Variants in AAK1 observed in about 807,000 individuals in gnomAD.
AAK1 encodes the protein AP2-associated protein kinase 1.
Under a neutral mutation model 116.0 loss-of-function variants are expected in AAK1, and 37 were observed. The observed-to-expected ratio is 0.32, with a 90% CI of 0.25 to 0.42. The LOEUF (loss-of-function observed/expected upper bound fraction) is 0.42. AAK1 is among the 10% of genes least tolerant of loss of function. The pLI, the probability that AAK1 is intolerant of heterozygous loss-of-function variation, is 1.00. For missense variants in AAK1, 919 were observed against 1,170.6 expected (o/e 0.79, Z 3.14); for synonymous variants, 458 against 439.9 (o/e 1.04, Z -0.51).
At chr2:69,618,158 C>G (rs72897423) in intron 2 of AAK1, among the ~76,000 whole-genome samples, 3,321 of 152,060 alleles carry the variant, frequency 0.022, 111 homozygotes, top group African/African-American at 0.074. Context: ...AGCGACCATG[C>G]AAGGTCTTTT....
intron 2 of AAK1, among the ~76,000 whole-genome samples, chr2:69,630,723 A>G (rs1284426533): frequency 2.0e-5 from 3 of 152,194 alleles, no homozygotes; most frequent in Non-Finnish European, 4.4e-5. Context: ...ACACAGTACT[A>G]ACCTTGAAAG....
chr2:69,562,667 A>G (rs970647604), intron 2 of AAK1, among the ~76,000 whole-genome samples: 2 of 152,172 alleles, frequency 1.3e-5, no homozygotes, highest in Non-Finnish European at 2.9e-5. Flanking sequence ...CGAGGCGGGC[A>G]GATCACAAAG....
rs374883661 is a variant in AAK1, at chr2:69,578,654, G to A, written c.164-21676C>T. Among the ~76,000 whole-genome samples, 7 of 152,024 alleles carry A rather than the reference G, an allele frequency of 4.6e-5. No individual in the cohort carries two copies. In the East Asian group the frequency reaches 7.7e-4, roughly 17 times the overall value. On this transcript the variant is annotated intron_variant, in intron 2 of 21. Transcript: ENST00000409085. ...CCTGCTCTCCTCTATCTGAAGCCCA[G>A]CCTGGCTTCCCCTCCTGTCTCTAGA...
chr2:69,574,339 C>A (rs374664629), intron 2 of AAK1, among the ~76,000 whole-genome samples: 1 of 139,550 alleles, frequency 7.2e-6, no homozygotes, highest in Non-Finnish European at 1.5e-5. Flanking sequence ...GATCACACCA[C>A]TGCACTTCAG....
At chr2:69,513,104 CT>C (rs890685510) in intron 13 of AAK1, among the ~76,000 whole-genome samples, 2 of 152,150 alleles carry the variant, frequency 1.3e-5, no homozygotes, top group African/African-American at 4.8e-5. Flanking sequence ...AGAAGAGGAA[CT>C]TTACCTCTTG....
Position 69,495,272 on chromosome 2 carries a change from G to C in AAK1, c.2365+713C>G, listed in dbSNP as rs1322544627. 2.0e-5 allele frequency among the ~76,000 whole-genome samples: 3 copies of C among 152,158 alleles called. No individual in the cohort carries two copies. In the East Asian group the frequency reaches 5.8e-4, roughly 29 times the overall value. ...AGCTTTGGCAACTTGAACTCCAACT[G>C]GGAAGCATCCAATCACTGTTCCAAA... On this transcript the variant is annotated intron_variant, in intron 17 of 21. Coordinates refer to ENST00000409085, the MANE Select transcript of AAK1 (RefSeq NM_014911.5).
At chr2:69,577,444 C>A (rs2105134776) in intron 2 of AAK1, among the ~76,000 whole-genome samples, 1 of 151,980 alleles carries the variant, frequency 6.6e-6, no homozygotes, top group Non-Finnish European at 1.5e-5. Flanking sequence ...CTAGACTACT[C>A]TGTAGAATTT....
At chr2:69,588,481 C>A (rs1672885225) in intron 2 of AAK1, among the ~76,000 whole-genome samples, 1 of 152,194 alleles carries the variant, frequency 6.6e-6, no homozygotes, top group Non-Finnish European at 1.5e-5. Flanking sequence ...AGAACTCCCT[C>A]TCTGTTATAA....
chr2:69,483,832 G>T (rs1037887257), intron 17 of AAK1, among the ~76,000 whole-genome samples: 10 of 152,174 alleles, frequency 6.6e-5, no homozygotes, highest in African/African-American at 2.4e-4. Context: ...TGAGCCACCA[G>T]ACTTGTCACA....
chr2:69,476,959 A>C lies in AAK1; in HGVS notation c.2712T>G (p.Phe904Leu), dbSNP rs1674878616. 6.2e-7 allele frequency: 1 copy of C among 1,613,138 alleles called. No homozygotes were observed. Among genetic ancestry groups the C allele is most frequent in the African/African-American group, 1.3e-5 (1 of 75,030 alleles). The change falls in exon 21 of 22, where the codon TTT becomes TTG. Residue 904 changes from phenylalanine to leucine, a missense_variant. Phe to Leu is a conservative substitution (Grantham distance 22, BLOSUM62 0). This residue lies in a region of AAK1 where 263 missense variants were observed against 285.5 expected (regional missense o/e 0.92). Coordinates refer to ENST00000409085, the MANE Select transcript of AAK1 (RefSeq NM_014911.5). ...CCTTGTCCGAGCCCTCAGGGACATC[A>C]AAACCTGAGATGAGATTACTATCTT... Reference protein sequence around the residue: ...AAEDSNLISGFDVPEGSDKVA... With the variant: ...AAEDSNLISGLDVPEGSDKVA...
intron 2 of AAK1, among the ~76,000 whole-genome samples, chr2:69,613,716 G>A (rs1279700266): frequency 2.0e-5 from 3 of 152,220 alleles, no homozygotes; most frequent in Admixed American, 2.0e-4. Context: ...TGCCCAGAGA[G>A]GGCATGCAAG....
intron 3 of AAK1, among the ~76,000 whole-genome samples, chr2:69,555,276 G>A (rs1045706431): frequency 6.6e-6 from 1 of 152,240 alleles, no homozygotes; most frequent in African/African-American, 2.4e-5. Flanking sequence ...GGCCCACGTG[G>A]TCTTGACTGT....
intron 5 of AAK1, among the ~76,000 whole-genome samples, chr2:69,540,242 C>T (rs552621057): frequency 1.0e-3 from 158 of 151,880 alleles, no homozygotes; most frequent in African/African-American, 3.7e-3. Context: ...CTGCCTCAGC[C>T]GCCTAAGTAG....
intron 2 of AAK1, among the ~76,000 whole-genome samples, chr2:69,618,434 G>A (rs1674436443): frequency 6.6e-6 from 1 of 152,108 alleles, no homozygotes; most frequent in South Asian, 2.1e-4. Context: ...TCCTGCTCCT[G>A]CACCAGCCAA....
chr2:69,562,656 T>C (rs185592350), intron 2 of AAK1, among the ~76,000 whole-genome samples: 52 of 151,166 alleles, frequency 3.4e-4, no homozygotes, highest in Middle Eastern at 3.4e-3. Flanking sequence ...TTTTGGGAGG[T>C]CGAGGCGGGC....
chr2:69,615,073 C>T (rs1674262184), intron 2 of AAK1, among the ~76,000 whole-genome samples: 1 of 152,086 alleles, frequency 6.6e-6, no homozygotes, highest in African/African-American at 2.4e-5. Context: ...TAATATGACC[C>T]CAACCACGAG....
In AAK1 at chr2:69,469,603, T is replaced by C. The variant is rs529000365; in HGVS notation, c.*6266A>G. ...CGTCATAGCAGATACCCTGTGGCCA[T>C]AGAGCTCAGTAAACACTGCCTGTTG... is the stretch of plus-strand genomic sequence containing the variant. On this transcript the variant is annotated 3_prime_UTR_variant, in exon 22 of 22. Transcript: ENST00000409085. The C allele has an allele frequency of 1.4e-5, 14 of 985,474 alleles. No individual in the cohort carries two copies. The Admixed American group carries it at 1.8e-4, about 13-fold the overall frequency. 61.0% of individuals were successfully genotyped at this position (985,474 alleles called of 1,614,324 possible). A position where few individuals can be genotyped will look rare whatever the true frequency, so the allele number is the denominator to read the frequency against.
At chr2:69,558,331 C>A (rs116851936) in intron 2 of AAK1, among the ~76,000 whole-genome samples, 8 of 131,030 alleles carry the variant, frequency 6.1e-5, no homozygotes, top group Non-Finnish European at 9.4e-5. Context: ...GTGAAAGAGA[C>A]CCTGTCTCAA....
At chr2:69,505,764 C>T (rs1676160140) in intron 15 of AAK1, 91 bp from the exon 16 acceptor site, 1 of 902,908 alleles carries the variant, frequency 1.1e-6, no homozygotes, top group Non-Finnish European at 1.7e-6. Context: ...TCTGAACTGA[C>T]TTCTGGACTT....
Sources: gnomAD v4.1 joint callset for allele counts (sites outside exome capture counted in the v4.1 genomes callset) on GRCh38, gnomAD v4.1.1 for gene constraint, gnomAD v4.1.1 regional missense constraint, MANE v1.5 for transcripts, NCBI Gene and HGNC (gene_info 2026-07-23, HGNC 2026-07-21) for gene names.